Variants in FHIP2A observed in about 807,000 individuals in gnomAD.
FHIP2A encodes FHF complex subunit HOOK interacting protein 2A, also known as family with sequence similarity 160 member B1.
FHIP2A carries 46 observed loss-of-function variants against 93.5 expected under a neutral mutation model. The ratio of observed to expected loss-of-function variants is 0.49; its 90% CI spans 0.39 to 0.63. The LOEUF (loss-of-function observed/expected upper bound fraction) is 0.63, where lower values mean the gene tolerates loss of function less well. Among genes scored for constraint, FHIP2A ranks in the 20% least tolerant of loss-of-function variants. The probability of loss-of-function intolerance (pLI) is 0.00; values close to 1 mark genes in which losing one functional copy is unlikely to be tolerated. For synonymous variants in FHIP2A, 332 were observed against 326.5 expected (o/e 1.02, Z -0.18); for missense variants, 769 against 909.7 (o/e 0.85, Z 1.99).
chr10:114,835,536 G>C lies in FHIP2A; in HGVS notation c.295-1G>C. ...TTGGCTTCCTTTTTTCCTATACCCA[G>C]TGTCCTCCGGGAATGAAACAGCAGG... On this transcript the variant is annotated splice_acceptor_variant, in intron 3 of 16. Coordinates refer to ENST00000369248, the MANE Select transcript of FHIP2A (RefSeq NM_020940.4). LOFTEE classifies it high-confidence loss of function. 6.3e-7 allele frequency: 1 copy of C among 1,599,026 alleles called. No individual in the cohort carries two copies. Among genetic ancestry groups the C allele is most frequent in the South Asian group, 1.1e-5 (1 of 90,506 alleles).
chr10:114,846,544 C>A lies in FHIP2A; in HGVS notation c.1399-15C>A. The A allele has an allele frequency of 1.3e-6, 2 of 1,566,542 alleles. No individual in the cohort carries two copies. The highest frequency in any genetic ancestry group is 2.0e-5 in the Admixed American group (1 of 50,598). Reference sequence around the variant, plus strand: ...AAGACATTTTTCAGTTAGCTTTTATCAATTTTGGTTTCAGATAAGCATAAT... The same window carrying A: ...AAGACATTTTTCAGTTAGCTTTTATAAATTTTGGTTTCAGATAAGCATAAT... On this transcript the variant is annotated splice_polypyrimidine_tract_variant and intron_variant, in intron 10 of 16. Coordinates refer to ENST00000369248, the MANE Select transcript of FHIP2A (RefSeq NM_020940.4).
At chr10:114,843,251 C>T (rs747502110) in intron 6 of FHIP2A, 25 bp downstream of exon 6, 1 of 1,468,748 alleles carries the variant, frequency 6.8e-7, no homozygotes, top group Admixed American at 2.0e-5. Context: ...TTACTTTTTC[C>T]CCCCTAACAT....
chr10:114,848,342 T>A (rs1441190735), intron 12 of FHIP2A, among the ~76,000 whole-genome samples: 2 of 152,148 alleles, frequency 1.3e-5, no homozygotes, highest in Non-Finnish European at 2.9e-5. Flanking sequence ...AGGAAAAAAA[T>A]GTCTTTCTTA....
At chr10:114,883,722 C>G (rs2083928008) in intron 16 of FHIP2A, among the ~76,000 whole-genome samples, 1 of 152,168 alleles carries the variant, frequency 6.6e-6, no homozygotes. Flanking sequence ...GCTGGGACTA[C>G]AGGCATGCAC....
chr10:114,895,198 T>A (rs1448163166), intron 16 of FHIP2A, among the ~76,000 whole-genome samples: 2 of 152,210 alleles, frequency 1.3e-5, no homozygotes, highest in Non-Finnish European at 2.9e-5. Flanking sequence ...AATGCATCAC[T>A]GATAGTTTGA....
At chr10:114,858,273 G>A (rs1248721372) in intron 14 of FHIP2A, among the ~76,000 whole-genome samples, 2 of 152,300 alleles carry the variant, frequency 1.3e-5, no homozygotes, top group South Asian at 2.1e-4. Context: ...TCAGAGTACA[G>A]TGAAACAAGT....
At chr10:114,870,118 CTGATA>C (rs1406393706) in intron 16 of FHIP2A, among the ~76,000 whole-genome samples, 5 of 152,260 alleles carry the variant, frequency 3.3e-5, no homozygotes, top group African/African-American at 1.2e-4. Context: ...TTGCTATACT[CTGATA>C]TAAGACCATT....
chr10:114,891,907 T>C (rs983527160), intron 16 of FHIP2A, among the ~76,000 whole-genome samples: 11 of 151,990 alleles, frequency 7.2e-5, no homozygotes, highest in African/African-American at 2.2e-4. Context: ...TGAGCTACCA[T>C]ACCCAGCCAA....
At chr10:114,851,805 A>C (rs947642385) in intron 13 of FHIP2A, among the ~76,000 whole-genome samples, 2 of 151,444 alleles carry the variant, frequency 1.3e-5, no homozygotes, top group Non-Finnish European at 2.9e-5. Context: ...CCATCCTAAC[A>C]ATATTAAGTT....
intron 16 of FHIP2A, among the ~76,000 whole-genome samples, chr10:114,888,497 C>T (rs2083953876): frequency 6.6e-6 from 1 of 152,162 alleles, no homozygotes; most frequent in South Asian, 2.1e-4. Flanking sequence ...ATAAAATACT[C>T]CCAAGAACTG....
At chr10:114,839,726 C>CA (rs1279001962) in intron 5 of FHIP2A, among the ~76,000 whole-genome samples, 1 of 151,412 alleles carries the variant, frequency 6.6e-6, no homozygotes, top group South Asian at 2.1e-4. Flanking sequence ...ACTAAAAATA[C>CA]AAAAAATCAG....
intron 13 of FHIP2A, among the ~76,000 whole-genome samples, chr10:114,853,064 T>C (rs965763728): frequency 3.3e-5 from 5 of 152,216 alleles, no homozygotes; most frequent in African/African-American, 9.6e-5. Flanking sequence ...CATGGCATTG[T>C]CTCTAATCTT....
At chr10:114,836,100 A>C in intron 4 of FHIP2A, 24 bp from the exon 5 acceptor site, 1 of 1,527,414 alleles carries the variant, frequency 6.5e-7, no homozygotes, top group Non-Finnish European at 8.9e-7. Context: ...AAGTTTAAAA[A>C]GTTAAAAACA....
chr10:114,873,537 C>T (rs2083869310), intron 16 of FHIP2A, among the ~76,000 whole-genome samples: 1 of 152,150 alleles, frequency 6.6e-6, no homozygotes, highest in South Asian at 2.1e-4. Flanking sequence ...ACTGTATCTT[C>T]TTGAGGGTAG....
chr10:114,881,406 C>T (rs1419344428), intron 16 of FHIP2A, among the ~76,000 whole-genome samples: 1 of 152,136 alleles, frequency 6.6e-6, no homozygotes. Context: ...ATCTTGGCCC[C>T]TCACCGGCAC....
chr10:114,827,905 A>G (rs1026355914), intron 1 of FHIP2A, among the ~76,000 whole-genome samples: 5 of 152,048 alleles, frequency 3.3e-5, no homozygotes, highest in African/African-American at 1.2e-4. Flanking sequence ...TAAGGGTTTC[A>G]TGTCAACTTG....
chr10:114,868,931 C>T (rs900378187), downstream of FHIP2A, among the ~76,000 whole-genome samples: 3 of 152,106 alleles, frequency 2.0e-5, no homozygotes, highest in Non-Finnish European at 4.4e-5. Context: ...GAACTATAAT[C>T]ATAATTGCAA....
At position 114,845,394 on chromosome 10, in the gene FHIP2A, T is replaced by C; in HGVS notation, c.1041T>C (p.Asp347=). 6.2e-7 allele frequency: 1 copy of C among 1,612,642 alleles called. No homozygotes were observed. Among genetic ancestry groups the C allele is most frequent in the Non-Finnish European group, 8.5e-7 (1 of 1,178,750 alleles). ...TGGACTCATATAGTCATAAAGAAGA[T>C]GCTTCAGCATTTCCAGGAAAACGAG... The part of the protein sequence containing the change: ...WGLDSYSHKE[D]ASAFPGKRAL... The change falls in exon 8 of 17, where the codon GAT becomes GAC. Residue 347 remains aspartate (D), a synonymous_variant. Coordinates refer to ENST00000369248, the MANE Select transcript of FHIP2A (RefSeq NM_020940.4).
intron 13 of FHIP2A, among the ~76,000 whole-genome samples, chr10:114,853,769 C>T (rs576185923): frequency 3.3e-5 from 5 of 152,202 alleles, no homozygotes; most frequent in South Asian, 4.2e-4. Context: ...GAGGCCGAGG[C>T]GGGCAGATCA....
Sources: gnomAD v4.1 joint callset for allele counts (sites outside exome capture counted in the v4.1 genomes callset) on GRCh38, gnomAD v4.1.1 for gene constraint, MANE v1.5 for transcripts, NCBI Gene and HGNC (gene_info 2026-07-23, HGNC 2026-07-21) for gene names.